Variants in GPD2 observed in about 807,000 individuals in gnomAD.
GPD2 encodes glycerol-3-phosphate dehydrogenase, mitochondrial.
In GPD2, 54 loss-of-function variants were observed where a neutral mutation model predicts 82.4. The observed-to-expected ratio is 0.66, with a 90% CI of 0.53 to 0.82. The LOEUF is 0.82. Ranked by LOEUF, GPD2 falls within the 40% of genes least tolerant of loss-of-function variation. The probability of loss-of-function intolerance (pLI) is 0.00; values close to 1 mark genes in which losing one functional copy is unlikely to be tolerated. For synonymous variants in GPD2, 288 were observed against 306.1 expected, an observed-to-expected ratio of 0.94 and a Z score of 0.62; for missense variants, 748 against 896.2, an observed-to-expected ratio of 0.83 and a Z score of 2.11.
intron 1 of GPD2, among the ~76,000 whole-genome samples, chr2:156,438,782 T>C (rs1682040869): frequency 6.6e-6 from 1 of 152,234 alleles, no homozygotes; most frequent in Non-Finnish European, 1.5e-5. Context: ...TTATATTGTG[T>C]AATAAGTGCT....
At chr2:156,552,730 T>C (rs967228105) in intron 8 of GPD2, among the ~76,000 whole-genome samples, 1 of 152,102 alleles carries the variant, frequency 6.6e-6, no homozygotes, top group African/African-American at 2.4e-5. Context: ...TTTCCGTTCA[T>C]TAAAATGGGC....
chr2:156,521,042 A>G (rs1018034904), intron 6 of GPD2, among the ~76,000 whole-genome samples: 1 of 152,178 alleles, frequency 6.6e-6, no homozygotes, highest in African/African-American at 2.4e-5. Flanking sequence ...GAACTGTTGC[A>G]TGTGTCTACC....
intron 3 of GPD2, among the ~76,000 whole-genome samples, chr2:156,497,812 A>G (rs1684439473): frequency 6.6e-6 from 1 of 152,214 alleles, no homozygotes; most frequent in South Asian, 2.1e-4. Flanking sequence ...AGTTGACCCC[A>G]ATTTTCATAA....
intron 6 of GPD2, among the ~76,000 whole-genome samples, chr2:156,528,047 A>G (rs1291938841): frequency 6.6e-6 from 1 of 152,200 alleles, no homozygotes; most frequent in Non-Finnish European, 1.5e-5. Context: ...TTATCATTAA[A>G]AAACTAATCT....
intron 1 of GPD2, among the ~76,000 whole-genome samples, chr2:156,465,361 C>CTTTCTT (rs1553466295): frequency 8.7e-6 from 1 of 114,912 alleles, no homozygotes; most frequent in Non-Finnish European, 1.7e-5. Flanking sequence ...TTCTTTCTTT[C>CTTTCTT]TTTTTTTTTT....
At chr2:156,541,950 C>T (rs922085404) in intron 6 of GPD2, among the ~76,000 whole-genome samples, 2 of 139,484 alleles carry the variant, frequency 1.4e-5, no homozygotes, top group African/African-American at 5.3e-5. Context: ...TAATGAATAC[C>T]CAAAGCATGC....
At chr2:156,490,735 G>GT (rs1684144513) in intron 2 of GPD2, among the ~76,000 whole-genome samples, 2 of 152,096 alleles carry the variant, frequency 1.3e-5, no homozygotes, top group East Asian at 3.8e-4. Flanking sequence ...CTTAACTTCT[G>GT]TATGTCTCAG....
chr2:156,583,024 CTT>C lies in GPD2; in HGVS notation c.*111_*112del. 1 of 1,215,068 alleles carries C rather than the reference CTT, an allele frequency of 8.2e-7. No homozygotes were observed. The highest frequency in any genetic ancestry group is 1.2e-6 in the Non-Finnish European group (1 of 831,032). 75.3% of individuals were successfully genotyped at this position (1,215,068 alleles called of 1,614,324 possible). On this transcript the variant is annotated 3_prime_UTR_variant, in exon 17 of 17. Coordinates refer to ENST00000438166, the MANE Select transcript of GPD2 (RefSeq NM_000408.5). ...TGAAATAATGAATGTGGATAGCTGC[CTT>C]TTTTAACACTAGAAAACATTCCAAA...
At chr2:156,486,881 C>T (rs1023916019) in intron 2 of GPD2, among the ~76,000 whole-genome samples, 7 of 152,166 alleles carry the variant, frequency 4.6e-5, no homozygotes, top group African/African-American at 1.7e-4. Flanking sequence ...TGAAGGCCAT[C>T]TAGATTATAA....
chr2:156,569,967 C>T (rs555778139), intron 11 of GPD2, 120 bp from the exon 12 acceptor site: 48 of 865,562 alleles, frequency 5.5e-5, no homozygotes, highest in South Asian at 4.2e-4. Flanking sequence ...TAATACTCTC[C>T]GAGAGCTATT....
At chr2:156,483,249 A>T (rs1020322874) in intron 2 of GPD2, among the ~76,000 whole-genome samples, 2 of 152,226 alleles carry the variant, frequency 1.3e-5, no homozygotes, top group South Asian at 2.1e-4. Context: ...TGTGTCTGTT[A>T]TGTGAATGTG....
In GPD2 at chr2:156,513,488, A is replaced by G. The variant is rs752343390; in HGVS notation, c.653A>G (p.Tyr218Cys). The stretch of plus-strand genomic sequence containing the variant: ...GACAAACTGGTAGGAGCAATTGTCT[A>G]CTATGACGGTATGTGATGTTTTTTT... Reference protein sequence around the residue: ...QKDKLVGAIVYYDGQHNDARM... With the variant: ...QKDKLVGAIVCYDGQHNDARM... The change falls in exon 6 of 17, where the codon TAC (tyrosine) becomes TGC (cysteine). Residue 218 changes from tyrosine (Y) to cysteine (C), a missense_variant. Coordinates refer to ENST00000438166, the MANE Select transcript of GPD2 (RefSeq NM_000408.5). 2.8e-5 allele frequency: 45 copies of G among 1,610,538 alleles called. No individual in the cohort carries two copies. The highest frequency in any genetic ancestry group is 3.6e-5 in the Non-Finnish European group (42 of 1,177,690).
chr2:156,447,758 A>G (rs1057335091), intron 1 of GPD2, among the ~76,000 whole-genome samples: 2 of 152,136 alleles, frequency 1.3e-5, no homozygotes, highest in African/African-American at 4.8e-5. Flanking sequence ...CTACTGTGAC[A>G]TCTTCTCTTG....
At chr2:156,452,224 G>C (rs2105159054) in intron 1 of GPD2, among the ~76,000 whole-genome samples, 1 of 152,348 alleles carries the variant, frequency 6.6e-6, no homozygotes, top group Admixed American at 6.5e-5. Context: ...GGAGGTTGTA[G>C]CGAGCCGAGA....
At chr2:156,535,438 GA>G (rs1339438215) in intron 6 of GPD2, among the ~76,000 whole-genome samples, 44 of 18,184 alleles carry the variant, frequency 2.4e-3, no homozygotes, top group Middle Eastern at 0.062. Context: ...GGGGGGTGGG[GA>G]GAGAGAGAGA....
intron 11 of GPD2, 87 bp downstream of exon 11, chr2:156,569,625 G>A: frequency 1.0e-6 from 1 of 979,852 alleles, no homozygotes; most frequent in South Asian, 1.3e-5. Context: ...AGGTCTCCCT[G>A]ATTGAGATTT....
intron 2 of GPD2, among the ~76,000 whole-genome samples, chr2:156,492,147 CTTTTTTTTT>C (rs770947790): frequency 1.3e-5 from 1 of 75,470 alleles, no homozygotes; most frequent in South Asian, 5.8e-4. Flanking sequence ...CCCTCCCTAC[CTTTTTTTTT>C]TTTTTTTTTT....
intron 8 of GPD2, among the ~76,000 whole-genome samples, chr2:156,552,675 A>C (rs1160424970): frequency 6.6e-6 from 1 of 152,214 alleles, no homozygotes; most frequent in Non-Finnish European, 1.5e-5. Flanking sequence ...GTCATTAAAT[A>C]ATTAAATAAT....
intron 2 of GPD2, among the ~76,000 whole-genome samples, chr2:156,477,210 C>A (rs1192431893): frequency 6.6e-6 from 1 of 152,108 alleles, no homozygotes; most frequent in African/African-American, 2.4e-5. Context: ...GCAGGCAGAT[C>A]CCTTGAGCCC....
Sources: gnomAD v4.1 joint callset for allele counts (sites outside exome capture counted in the v4.1 genomes callset) on GRCh38, gnomAD v4.1.1 for gene constraint, MANE v1.5 for transcripts, NCBI Gene and HGNC (gene_info 2026-07-23, HGNC 2026-07-21) for gene names.